BLNK: variants seen among roughly 807,000 people sequenced by gnomAD.
The protein encoded by BLNK is B-cell linker protein.
Under a neutral mutation model 73.5 loss-of-function variants are expected in BLNK, and 29 were observed. The ratio of observed to expected loss-of-function variants is 0.39; its 90% CI spans 0.29 to 0.54. The LOEUF is 0.54. Ranked by LOEUF, BLNK falls within the 20% of genes least tolerant of loss-of-function variation. BLNK has a pLI of 0.61. For missense variants in BLNK, 460 were observed against 562.8 expected (o/e 0.82, Z 1.85); for synonymous variants, 176 against 200.8 (o/e 0.88, Z 1.04).
intron 1 of BLNK, among the ~76,000 whole-genome samples, chr10:96,269,919 T>C (rs1172934507): frequency 3.3e-5 from 5 of 152,144 alleles, no homozygotes; most frequent in African/African-American, 9.7e-5. Context: ...CCTCCAATTC[T>C]CCAGTATTTT....
chr10:96,245,284 G>T (rs1410496646), intron 2 of BLNK, among the ~76,000 whole-genome samples: 12 of 152,148 alleles, frequency 7.9e-5, no homozygotes, highest in African/African-American at 2.7e-4. Context: ...AATGCATAGA[G>T]AAATGAACTT....
chr10:96,249,170 G>T lies in BLNK; in HGVS notation c.48-2121C>A, dbSNP rs562824204. Among the ~76,000 whole-genome samples the T allele has an allele frequency of 1.1e-4, 17 of 152,338 alleles. No individual in the cohort carries two copies. The East Asian group carries it at 3.3e-3, about 29-fold the overall frequency. On this transcript the variant is annotated intron_variant, in intron 1 of 16. Coordinates refer to ENST00000224337, the MANE Select transcript of BLNK (RefSeq NM_013314.4). ...AGCTATTGTTCTTGTAGGAAATGGT[G>T]ATTTCCCCACAATCCTGAAAGCAGA...
At chr10:96,248,949 G>T (rs1469787338) in intron 1 of BLNK, among the ~76,000 whole-genome samples, 1 of 152,190 alleles carries the variant, frequency 6.6e-6, no homozygotes, top group Non-Finnish European at 1.5e-5. Context: ...CAAATATGGA[G>T]AAAAATATTA....
chr10:96,199,483 C>T (rs587770573), intron 15 of BLNK: 1 of 461,288 alleles, frequency 2.2e-6, no homozygotes, highest in East Asian at 6.7e-5. Context: ...TAGACCTCCC[C>T]TGGAGCTTTC....
chr10:96,246,456 G>A (rs898203472), intron 2 of BLNK, among the ~76,000 whole-genome samples: 13 of 152,204 alleles, frequency 8.5e-5, no homozygotes, highest in African/African-American at 3.1e-4. Flanking sequence ...CTGGGCCGAG[G>A]CAGGAGAATC....
At chr10:96,227,110 G>A (rs1415923087) in intron 5 of BLNK, among the ~76,000 whole-genome samples, 3 of 152,024 alleles carry the variant, frequency 2.0e-5, no homozygotes, top group African/African-American at 4.8e-5. Context: ...GTGTTGGGAG[G>A]GAGCACAACC....
At chr10:96,224,983 C>G (rs1034946851) in intron 5 of BLNK, among the ~76,000 whole-genome samples, 1 of 152,170 alleles carries the variant, frequency 6.6e-6, no homozygotes, top group Non-Finnish European at 1.5e-5. Context: ...CAGGCATGAG[C>G]CACCACGCCT....
At chr10:96,266,380 T>G (rs1844005164) in intron 1 of BLNK, among the ~76,000 whole-genome samples, 1 of 152,238 alleles carries the variant, frequency 6.6e-6, no homozygotes, top group Non-Finnish European at 1.5e-5. Context: ...TCAGCCATGG[T>G]ACACAATCAC....
chr10:96,255,051 G>A (rs1174219904), intron 1 of BLNK, among the ~76,000 whole-genome samples: 1 of 152,156 alleles, frequency 6.6e-6, no homozygotes, highest in Non-Finnish European at 1.5e-5. Context: ...CACTGACAGT[G>A]TTCTCAGGAT....
chr10:96,244,085 T>C (rs1842962425), intron 2 of BLNK, among the ~76,000 whole-genome samples: 1 of 152,214 alleles, frequency 6.6e-6, no homozygotes, highest in Admixed American at 6.5e-5. Context: ...TAACAATATG[T>C]ATATTTACAT....
At chr10:96,266,318 A>G (rs4142016) in intron 1 of BLNK, among the ~76,000 whole-genome samples, 145,882 of 152,322 alleles carry the variant, frequency 0.96, 69,871 homozygotes, top group Middle Eastern at 1. Context: ...AAACCTAATC[A>G]ATTGTATCAT....
At position 96,215,356 on chromosome 10, in the gene BLNK, G is replaced by A; in HGVS notation, c.641C>T (p.Ser214Phe). ...TCCTGGAGGAGAGGCGGGCGTTGAG[G>A]AATTTGGCTTGGTTGATCTATTCAC... ...PMVNRSTKPN[S>F]STPASPPGTA... The change falls in exon 8 of 17, where the codon TCC becomes TTC. Residue 214 changes from serine to phenylalanine, a missense_variant. By Grantham distance (155) the Ser-to-Phe change is radical. Around this residue, in one of 3 missense-constraint regions of BLNK, gnomAD observed 233 missense variants for 232.1 expected, o/e 1.00. Coordinates refer to ENST00000224337, the MANE Select transcript of BLNK (RefSeq NM_013314.4). 6.2e-7 allele frequency: 1 copy of A among 1,613,984 alleles called. No individual in the cohort carries two copies.
rs541142090 is a variant in BLNK at position 96,261,578 on chromosome 10, C to G, written c.47+9774G>C. Among the ~76,000 whole-genome samples the G allele has an allele frequency of 2.0e-5, 3 of 152,168 alleles. No individual in the cohort carries two copies. The East Asian group carries it at 5.8e-4, about 29-fold the overall frequency. On this transcript the variant is annotated intron_variant, in intron 1 of 16. Coordinates refer to ENST00000224337, the MANE Select transcript of BLNK (RefSeq NM_013314.4). ...TCGGTTTGGCAACTGTGATGATCTT[C>G]GAGTATGAAGATGATGTGAAATCTG...
chr10:96,215,177 C>T, intron 8 of BLNK, 144 bp downstream of exon 8: 1 of 914,596 alleles, frequency 1.1e-6, no homozygotes, highest in East Asian at 2.7e-5. Context: ...ACACGTGCCA[C>T]CAGACAGTGC....
At chr10:96,207,110 G>T in intron 10 of BLNK, 57 bp from the exon 11 acceptor site, 1 of 1,445,778 alleles carries the variant, frequency 6.9e-7, no homozygotes, top group Non-Finnish European at 9.7e-7. Context: ...GGAAATAAAT[G>T]TCAGAGCAAT....
At chr10:96,232,882 A>G (rs1490353616) in intron 3 of BLNK, among the ~76,000 whole-genome samples, 2 of 149,902 alleles carry the variant, frequency 1.3e-5, no homozygotes, top group South Asian at 4.2e-4. Context: ...TGGCACAATC[A>G]TGGCTTACTG....
At chr10:96,247,381 A>C (rs546893141) in intron 1 of BLNK, among the ~76,000 whole-genome samples, 1 of 152,334 alleles carries the variant, frequency 6.6e-6, no homozygotes, top group Admixed American at 6.5e-5. Context: ...CTCTGTGGAC[A>C]TAGCAGAGGC....
At chr10:96,248,291 A>G (rs1255657226) in intron 1 of BLNK, among the ~76,000 whole-genome samples, 1 of 152,246 alleles carries the variant, frequency 6.6e-6, no homozygotes, top group African/African-American at 2.4e-5. Flanking sequence ...AAATCTTACA[A>G]CTCAGTAAGA....
chr10:96,231,452 C>A (rs1489341363), intron 3 of BLNK, among the ~76,000 whole-genome samples: 2 of 152,146 alleles, frequency 1.3e-5, no homozygotes, highest in African/African-American at 4.8e-5. Flanking sequence ...GGGGCTTATG[C>A]CTGTAATCCC....
Sources: gnomAD v4.1 joint callset for allele counts (sites outside exome capture counted in the v4.1 genomes callset) on GRCh38, gnomAD v4.1.1 for gene constraint, gnomAD v4.1.1 regional missense constraint, MANE v1.5 for transcripts, NCBI Gene and HGNC (gene_info 2026-07-23, HGNC 2026-07-21) for gene names.